BCL11A: variants seen among roughly 807,000 people sequenced by gnomAD.
BCL11A encodes the protein BCL11 transcription factor A.
Under a neutral mutation model 55.9 loss-of-function variants are expected in BCL11A, and 2 were observed. The ratio of observed to expected loss-of-function variants is 0.04; its 90% confidence interval spans 0.01 to 0.11. BCL11A has a LOEUF of 0.11. Ranked by LOEUF, BCL11A falls within the 10% of genes least tolerant of loss-of-function variation. The pLI is 1.00. For synonymous variants in BCL11A, 465 were observed against 473.4 expected (o/e 0.98, Z 0.23); for missense variants, 817 against 1,137.1 (o/e 0.72, Z 4.05).
intron 2 of BCL11A, 147 bp downstream of exon 2, chr2:60,545,824 A>C: frequency 1.4e-6 from 1 of 695,396 alleles, no homozygotes; most frequent in Non-Finnish European, 2.5e-6. Context: ...AGCAACAGAA[A>C]TGATTATTTT....
chr2:60,472,833 T>C (rs185388027), intron 2 of BCL11A, among the ~76,000 whole-genome samples: 24 of 152,366 alleles, frequency 1.6e-4, no homozygotes, highest in African/African-American at 5.5e-4. Context: ...CAGGTAATAC[T>C]GCAGATTTCC....
At chr2:60,474,122 T>C (rs1052053880) in intron 2 of BCL11A, among the ~76,000 whole-genome samples, 7 of 152,326 alleles carry the variant, frequency 4.6e-5, no homozygotes, top group Non-Finnish European at 8.8e-5. Flanking sequence ...CCTTGATTAC[T>C]CAAACAACAG....
chr2:60,454,097 G>A (rs905312018), downstream of BCL11A, among the ~76,000 whole-genome samples: 2 of 152,046 alleles, frequency 1.3e-5, no homozygotes, highest in Admixed American at 1.3e-4. Flanking sequence ...TGAGTCACTG[G>A]CCTCGTGCTG....
Position 60,459,004 on chromosome 2 carries a change from T to C in BCL11A, c.*1400A>G. 2 of 1,027,600 alleles carry C rather than the reference T, an allele frequency of 1.9e-6. No individual in the cohort carries two copies. The highest frequency in any genetic ancestry group is 9.3e-5 in the South Asian group (2 of 21,612). 63.7% of individuals were successfully genotyped at this position (1,027,600 alleles called of 1,614,324 possible). On this transcript the variant is annotated 3_prime_UTR_variant, in exon 4 of 4. Transcript: ENST00000642384. The stretch of plus-strand genomic sequence containing the variant: ...CTACTCTTAAAATTCTTTCTCTTCT[T>C]TTTTTAAGAATGTCACATTTAAATG...
intron 2 of BCL11A, among the ~76,000 whole-genome samples, chr2:60,495,414 C>T (rs1304043889): frequency 1.3e-5 from 2 of 152,230 alleles, no homozygotes; most frequent in South Asian, 4.1e-4. Context: ...TCTGCTCTTA[C>T]TTATGCACAC....
chr2:60,528,369 GT>G, intron 2 of BCL11A: 1 of 152,572 alleles, frequency 6.6e-6, no homozygotes, highest in Admixed American at 6.5e-5. Context: ...TCCTCCCTCT[GT>G]TTCTCAGGAC....
At chr2:60,551,072 G>C (rs1670394603) in intron 1 of BCL11A, 1 of 396,382 alleles carries the variant, frequency 2.5e-6, no homozygotes, top group Admixed American at 4.4e-5. Context: ...TTCCCTGTGC[G>C]CACCCCCCAC....
Position 60,545,985 on chromosome 2 carries a change from T to G in BCL11A, c.371A>C (p.Gln124Pro), listed in dbSNP as rs1307943589. The change falls in exon 2 of 4, where the codon CAG (glutamine) becomes CCG (proline). Residue 124 changes from glutamine to proline, a missense_variant. Gln to Pro is a moderately conservative substitution (Grantham distance 76). Coordinates refer to ENST00000642384, the MANE Select transcript of BCL11A (RefSeq NM_022893.4). ...STSSRGICPK[Q>P]EHIADKLLHW... ...TTCTCATTTACCTGCTATGTGTTCC[T>G]GTTTGGGGCAAATTCCTCTAGATGA... The G allele has an allele frequency of 6.2e-7, 1 of 1,613,698 alleles. No individual in the cohort carries two copies. The highest frequency in any genetic ancestry group is 1.1e-5 in the South Asian group (1 of 91,060).
At chr2:60,489,173 G>C (rs13024177) in intron 2 of BCL11A, among the ~76,000 whole-genome samples, 28,838 of 152,222 alleles carry the variant, frequency 0.19, 3,174 homozygotes, top group Non-Finnish European at 0.25. Flanking sequence ...TTGCTTTAGA[G>C]TTTGGGGAAA....
chr2:60,472,037 C>T (rs1193088558), intron 2 of BCL11A, among the ~76,000 whole-genome samples: 2 of 152,134 alleles, frequency 1.3e-5, no homozygotes, highest in East Asian at 1.9e-4. Flanking sequence ...GGCTGTTTTC[C>T]CTCCTGTCCA....
At chr2:60,455,976 C>A (rs961552732), downstream of BCL11A, among the ~76,000 whole-genome samples, 1 of 152,150 alleles carries the variant, frequency 6.6e-6, no homozygotes, top group Non-Finnish European at 1.5e-5. Context: ...CACGCCCACC[C>A]CACCCCACCT....
At chr2:60,542,082 C>A (rs1669947958) in intron 2 of BCL11A, 3 of 525,650 alleles carry the variant, frequency 5.7e-6, no homozygotes, top group African/African-American at 2.0e-5. Flanking sequence ...TCTGATATAT[C>A]ATTATCTAAA....
chr2:60,481,621 T>C (rs1677964286), intron 2 of BCL11A, among the ~76,000 whole-genome samples: 1 of 152,136 alleles, frequency 6.6e-6, no homozygotes, highest in Admixed American at 6.5e-5. Flanking sequence ...TCTTCTCCAT[T>C]TCCATGGCTC....
chr2:60,469,214 G>A (rs1677062420), intron 2 of BCL11A, among the ~76,000 whole-genome samples: 2 of 152,178 alleles, frequency 1.3e-5, no homozygotes, highest in South Asian at 4.1e-4. Flanking sequence ...TTATCTGCAA[G>A]GCTGGTTTAC....
At position 60,459,810 on chromosome 2, in the gene BCL11A, G is replaced by C. The variant is rs368389144; in HGVS notation, c.*594C>G. ...TAGAGACAGACATTTAGCTCATAGA[G>C]ATTTTTTTTCAGTGCTATCTATTCT... On this transcript the variant is annotated 3_prime_UTR_variant, in exon 4 of 4. Transcript: ENST00000642384. The C allele has an allele frequency of 3.0e-5, 31 of 1,043,288 alleles. 1 individual carries two copies. In the Middle Eastern group the frequency reaches 2.2e-3, roughly 74 times the overall value. The allele number at this position is 1,043,288 out of a possible 1,614,324, so 64.6% of individuals were successfully genotyped here.
chr2:60,467,129 A>ATGGTGGTGTTGGTGGTGATGG lies in BCL11A; in HGVS notation c.487+1582_487+1602dup, dbSNP rs1676684054. On this transcript the variant is annotated intron_variant, in intron 3 of 3. Coordinates refer to ENST00000642384, the MANE Select transcript of BCL11A (RefSeq NM_022893.4). ...GGTGGTAGTGGTGGTGGTGGTGGTG[A>ATGGTGGTGTTGGTGGTGATGG]TGGTGGTGTTGGTGGTGATGGTGGT... 1.6e-4 allele frequency among the ~76,000 whole-genome samples: 11 copies of ATGGTGGTGTTGGTGGTGATGG among 70,692 alleles called. 1 individual carries two copies. The highest frequency in any genetic ancestry group is 2.7e-4 in the Admixed American group (2 of 7,516). The allele number at this position is 70,692 out of a possible 152,430, so 46.4% of individuals were successfully genotyped here.
At chr2:60,478,672 T>A (rs1474699420) in intron 2 of BCL11A, among the ~76,000 whole-genome samples, 8 of 152,230 alleles carry the variant, frequency 5.3e-5, no homozygotes, top group Non-Finnish European at 1.0e-4. Context: ...AAAAAAATGG[T>A]CTAGCAGGTC....
intron 2 of BCL11A, among the ~76,000 whole-genome samples, chr2:60,530,467 C>A (rs764363719): frequency 6.6e-6 from 1 of 152,092 alleles, no homozygotes; most frequent in Admixed American, 6.5e-5. Flanking sequence ...CCCATCTGGC[C>A]CTCGGGTTAC....
chr2:60,540,946 T>TTGTGTGTGTG (rs368895286), intron 2 of BCL11A, among the ~76,000 whole-genome samples: 1,789 of 140,268 alleles, frequency 0.013, 21 homozygotes, highest in Admixed American at 0.023. Flanking sequence ...AGCACTGGTT[T>TTGTGTGTGTG]TGTGTGTGTG....
Sources: gnomAD v4.1 joint callset for allele counts (sites outside exome capture counted in the v4.1 genomes callset) on GRCh38, gnomAD v4.1.1 for gene constraint, MANE v1.5 for transcripts, NCBI Gene and HGNC (gene_info 2026-07-23, HGNC 2026-07-21) for gene names.